WDR64: variants seen among roughly 807,000 people sequenced by gnomAD.
The protein encoded by WDR64 is WD repeat domain 64.
A neutral mutation model predicts 139.3 loss-of-function variants in WDR64; 112 were observed. That is an observed-to-expected ratio of 0.80 (90% CI 0.69 to 0.94). The LOEUF (loss-of-function observed/expected upper bound fraction) is 0.94, where lower values mean the gene tolerates loss of function less well. Ranked by LOEUF, WDR64 falls within the 40% of genes least tolerant of loss-of-function variation. WDR64 has a pLI of 0.00. For missense variants in WDR64, 1,206 were observed against 1,293.1 expected (o/e 0.93, Z 1.03); for synonymous variants, 444 against 437.7 (o/e 1.01, Z -0.18).
intron 22 of WDR64, 103 bp downstream of exon 22, chr1:241,780,165 T>C (rs905416593): frequency 2.0e-6 from 2 of 977,396 alleles, no homozygotes; most frequent in African/African-American, 3.5e-5. Flanking sequence ...AGACTCTCTG[T>C]TGTCAAGGCA....
intron 10 of WDR64, among the ~76,000 whole-genome samples, chr1:241,736,514 C>A (rs1036500133): frequency 6.6e-6 from 1 of 151,048 alleles, no homozygotes; most frequent in Non-Finnish European, 1.5e-5. Flanking sequence ...TGCACAGAGA[C>A]CAGAATAAGA....
intron 10 of WDR64, among the ~76,000 whole-genome samples, chr1:241,735,869 G>C (rs914586007): frequency 9.2e-6 from 1 of 108,598 alleles, no homozygotes; most frequent in African/African-American, 4.0e-5. Context: ...GTGTGTGTGT[G>C]TGTGTGTGTG....
intron 2 of WDR64, among the ~76,000 whole-genome samples, chr1:241,670,569 T>C (rs1666186601): frequency 6.6e-6 from 1 of 152,194 alleles, no homozygotes; most frequent in South Asian, 2.1e-4. Context: ...ATTATCAGTA[T>C]ACAGTTTGTT....
At chr1:241,665,753 T>C (rs1666003125) in intron 2 of WDR64, among the ~76,000 whole-genome samples, 1 of 152,204 alleles carries the variant, frequency 6.6e-6, no homozygotes, top group Admixed American at 6.5e-5. Context: ...TCTACTTTTC[T>C]TACAATGTCA....
chr1:241,779,663 T>C (rs1658778785), intron 21 of WDR64, among the ~76,000 whole-genome samples: 1 of 151,918 alleles, frequency 6.6e-6, no homozygotes. Flanking sequence ...CTGTCTCTAC[T>C]AAAAATACAA....
intron 21 of WDR64, among the ~76,000 whole-genome samples, chr1:241,778,942 C>G (rs1036967457): frequency 9.2e-5 from 14 of 151,948 alleles, no homozygotes; most frequent in Non-Finnish European, 1.9e-4. Flanking sequence ...TTTATTTTAT[C>G]TTTGCTTATT....
intron 8 of WDR64, among the ~76,000 whole-genome samples, chr1:241,705,575 AAT>A (rs1667920428): frequency 1.4e-5 from 2 of 147,504 alleles, no homozygotes; most frequent in Non-Finnish European, 3.0e-5. Context: ...TAATAATAAT[AAT>A]AATAATAATA....
chr1:241,698,391 C>T (rs569606614), intron 8 of WDR64, among the ~76,000 whole-genome samples: 1 of 152,220 alleles, frequency 6.6e-6, no homozygotes. Context: ...TGGCCCTTAT[C>T]TCCAACTGCC....
rs1483591019 is a variant in WDR64 at position 241,801,191 on chromosome 1, C to A, written c.3252C>A (p.Ser1084=). Residue 1084 remains serine (S), a synonymous_variant, in exon 28 of 28, where the codon TCC becomes TCA. Transcript: ENST00000437684. ...TCCCACAAATAAATCTGGCTTCTTCCTTCTTCCCAGCTATACCCAAGTAAG... is the reference window on the plus strand; with the variant it reads ...TCCCACAAATAAATCTGGCTTCTTCATTCTTCCCAGCTATACCCAAGTAAG... ...NLVPQINLAS[S]FFPAIPK is the part of the protein sequence containing the mutation. The A allele has an allele frequency of 2.5e-6, 4 of 1,613,792 alleles. No homozygotes were observed. The highest frequency in any genetic ancestry group is 2.5e-6 in the Non-Finnish European group (3 of 1,179,836).
At chr1:241,730,876 G>A (rs1287750522) in intron 10 of WDR64, among the ~76,000 whole-genome samples, 2 of 152,094 alleles carry the variant, frequency 1.3e-5, no homozygotes, top group Non-Finnish European at 2.9e-5. Context: ...CAATTTTCCT[G>A]GTAAATTGGA....
intron 13 of WDR64, among the ~76,000 whole-genome samples, chr1:241,749,208 C>T (rs1669886829): frequency 6.6e-6 from 1 of 152,038 alleles, no homozygotes. Flanking sequence ...TTCCCATGTT[C>T]GGGACTGGGT....
At chr1:241,799,742 G>C (rs903320942) in intron 27 of WDR64, among the ~76,000 whole-genome samples, 1 of 152,106 alleles carries the variant, frequency 6.6e-6, no homozygotes, top group Non-Finnish European at 1.5e-5. Context: ...TGATGGGTGA[G>C]CTGCTAGGTC....
intron 9 of WDR64, among the ~76,000 whole-genome samples, chr1:241,718,422 G>A (rs1477146024): frequency 6.6e-6 from 1 of 152,082 alleles, no homozygotes; most frequent in Non-Finnish European, 1.5e-5. Context: ...TAGACCTTGG[G>A]CAGGAACAAT....
intron 9 of WDR64, among the ~76,000 whole-genome samples, chr1:241,713,526 AAAGC>A (rs1668276795): frequency 8.2e-6 from 1 of 121,856 alleles, no homozygotes; most frequent in Non-Finnish European, 1.7e-5. Context: ...AGAAAGAGAA[AAAGC>A]AAGGAAGGGA....
chr1:241,671,216 T>A, intron 3 of WDR64, 40 bp downstream of exon 3: 1 of 1,319,694 alleles, frequency 7.6e-7, no homozygotes, highest in Non-Finnish European at 1.1e-6. Context: ...GTATGAGTTT[T>A]AATATTTTCC....
At chr1:241,721,971 T>C (rs1668628573) in intron 9 of WDR64, among the ~76,000 whole-genome samples, 1 of 152,118 alleles carries the variant, frequency 6.6e-6, no homozygotes, top group Non-Finnish European at 1.5e-5. Context: ...GAAATGTGTA[T>C]CCAGGAAGAG....
intron 20 of WDR64, among the ~76,000 whole-genome samples, chr1:241,773,636 T>C (rs1480833111): frequency 6.6e-6 from 1 of 152,070 alleles, no homozygotes; most frequent in African/African-American, 2.4e-5. Context: ...CCCAGCTAAT[T>C]TTTGTATTTT....
chr1:241,790,642 G>A lies in WDR64; in HGVS notation c.2943G>A (p.Lys981=), dbSNP rs759331248. The change falls in exon 25 of 28, where the codon AAG becomes AAA. Residue 981 remains lysine, a synonymous_variant. Coordinates refer to ENST00000437684, the MANE Select transcript of WDR64 (RefSeq NM_001367482.1). ...TACTTTTCAAACGCACACCTCCCAAGGCCTTTGAAGTGGAACAGGATTTCA... is the reference window on the plus strand; with the variant it reads ...TACTTTTCAAACGCACACCTCCCAAAGCCTTTGAAGTGGAACAGGATTTCA... The part of the protein sequence containing the change: ...VSLLFKRTPP[K]AFEVEQDFKF... The A allele has an allele frequency of 6.2e-7, 1 of 1,611,262 alleles. No individual in the cohort carries two copies. The highest frequency in any genetic ancestry group is 8.5e-7 in the Non-Finnish European group (1 of 1,179,568).
chr1:241,763,573 C>G (rs1057400037), intron 15 of WDR64, among the ~76,000 whole-genome samples: 4 of 152,106 alleles, frequency 2.6e-5, no homozygotes, highest in African/African-American at 9.7e-5. Context: ...GGTATGGTGG[C>G]GTACGCCTGT....
Sources: allele counts gnomAD v4.1 joint callset (sites outside exome capture counted in the v4.1 genomes callset), GRCh38; gene constraint gnomAD v4.1.1; transcripts MANE v1.5; gene names NCBI Gene and HGNC (gene_info 2026-07-23, HGNC 2026-07-21).